Variants in HSPA4 observed in about 807,000 individuals in gnomAD.
HSPA4 encodes the protein heat shock 70 kDa protein 4.
HSPA4 carries 25 observed loss-of-function variants against 106.2 expected under a neutral mutation model. That is an observed-to-expected ratio of 0.24 (90% CI 0.17 to 0.33). The LOEUF (loss-of-function observed/expected upper bound fraction) is 0.33, where lower values mean the gene tolerates loss of function less well. Among genes scored for constraint, HSPA4 ranks in the 10% least tolerant of loss-of-function variants. The pLI, the probability that HSPA4 is intolerant of heterozygous loss-of-function variation, is 1.00. For missense variants in HSPA4, 841 were observed against 996.0 expected (o/e 0.84, Z 2.10); for synonymous variants, 332 against 333.6 (o/e 1.00, Z 0.05).
rs1223131828 is a variant in HSPA4, at chr5:133,104,437, T to G, written c.*1T>G. ...GCTTCCTGAAATGGACATTGATTGA[T>G]TCCAACACTTGTTTCTATTAAAACA... is the stretch of plus-strand genomic sequence containing the variant. On this transcript the variant is annotated 3_prime_UTR_variant, in exon 19 of 19. Coordinates refer to ENST00000304858, the MANE Select transcript of HSPA4 (RefSeq NM_002154.4). 1 of 1,612,544 alleles carries G rather than the reference T, an allele frequency of 6.2e-7. No individual in the cohort carries two copies. The highest frequency in any genetic ancestry group is 8.5e-7 in the Non-Finnish European group (1 of 1,178,618).
At chr5:133,076,962 T>A in intron 7 of HSPA4, 64 bp downstream of exon 7, 1 of 1,292,352 alleles carries the variant, frequency 7.7e-7, no homozygotes, top group Non-Finnish European at 1.1e-6. Context: ...TATTAACCTT[T>A]AATTGGCTAA....
intron 1 of HSPA4, among the ~76,000 whole-genome samples, chr5:133,057,792 A>G (rs1350555649): frequency 1.3e-5 from 2 of 152,242 alleles, no homozygotes; most frequent in Non-Finnish European, 2.9e-5. Context: ...ATGTGTGAGT[A>G]CTTCTTATGG....
intron 15 of HSPA4, among the ~76,000 whole-genome samples, chr5:133,099,287 G>T (rs959105292): frequency 6.6e-6 from 1 of 151,476 alleles, no homozygotes; most frequent in Non-Finnish European, 1.5e-5. Context: ...CTACCATCAC[G>T]CCCGGGTAAT....
At chr5:133,096,031 A>G (rs1028551155) in intron 13 of HSPA4, 67 bp from the exon 14 acceptor site, 6 of 1,401,044 alleles carry the variant, frequency 4.3e-6, no homozygotes, top group Admixed American at 4.9e-5. Flanking sequence ...GTTTTCCAAC[A>G]TGACTCATTT....
chr5:133,096,492 T>C (rs1765713561), intron 14 of HSPA4, among the ~76,000 whole-genome samples: 1 of 152,222 alleles, frequency 6.6e-6, no homozygotes, highest in African/African-American at 2.4e-5. Context: ...TTTTGACATA[T>C]AATGTCTTTG....
intron 17 of HSPA4, among the ~76,000 whole-genome samples, chr5:133,103,326 AGAT>A (rs1414003260): frequency 1.3e-5 from 2 of 150,940 alleles, no homozygotes; most frequent in African/African-American, 4.9e-5. Context: ...CATAGTGCTA[AGAT>A]TACGAGCGTG....
chr5:133,071,691 A>C (rs1765383750), intron 4 of HSPA4, among the ~76,000 whole-genome samples: 1 of 152,202 alleles, frequency 6.6e-6, no homozygotes, highest in African/African-American at 2.4e-5. Context: ...TTGGCAAAGC[A>C]AGGACTGTTA....
intron 7 of HSPA4, among the ~76,000 whole-genome samples, chr5:133,079,054 C>T (rs1025165896): frequency 1.1e-4 from 17 of 152,284 alleles, no homozygotes; most frequent in African/African-American, 3.1e-4. Flanking sequence ...AGTCTTTTAA[C>T]ATTCACCTTT....
At chr5:133,086,275 CTT>C (rs1765577554) in intron 7 of HSPA4, among the ~76,000 whole-genome samples, 1 of 152,218 alleles carries the variant, frequency 6.6e-6, no homozygotes, top group African/African-American at 2.4e-5. Context: ...ATCTCTTCTT[CTT>C]CCCTTTTGTC....
rs192116762 is a variant in HSPA4, at chr5:133,106,305, T to G, written c.*1869T>G. On this transcript the variant is annotated 3_prime_UTR_variant, in exon 19 of 19. Coordinates refer to ENST00000304858, the MANE Select transcript of HSPA4 (RefSeq NM_002154.4). ...ACAGAGAGTGGTAATTGATGGCTTG[T>G]GTACAGACAAGCATTTATCCAGGTT... The G allele has an allele frequency of 6.6e-6, 1 of 151,458 alleles. No individual in the cohort carries two copies. Among genetic ancestry groups the G allele is most frequent in the East Asian group, 1.9e-4 (1 of 5,156 alleles). 9.4% of individuals were successfully genotyped at this position (151,458 alleles called of 1,614,324 possible).
Position 133,073,386 on chromosome 5 carries a change from T to G in HSPA4, c.529+57T>G, listed in dbSNP as rs1012164520. ...TGGTTAATCTTGAAGATTGTGAAAT[T>G]TTAAAACCCTGGGGTTTCTTGCTCT... On this transcript the variant is annotated intron_variant, in intron 5 of 18. Transcript: ENST00000304858. The G allele has an allele frequency of 1.7e-5, 20 of 1,167,432 alleles. No homozygotes were observed. The Middle Eastern group carries it at 7.7e-4, about 45-fold the overall frequency. The allele number at this position is 1,167,432 out of a possible 1,614,324, so 72.3% of individuals were successfully genotyped here.
chr5:133,096,523 A>T (rs533482599), intron 14 of HSPA4, among the ~76,000 whole-genome samples: 1 of 152,252 alleles, frequency 6.6e-6, no homozygotes, highest in South Asian at 2.1e-4. Context: ...GGTATTGTTC[A>T]TTTTTGAATA....
chr5:133,075,688 G>T (rs1478840120), intron 6 of HSPA4, among the ~76,000 whole-genome samples: 1 of 151,956 alleles, frequency 6.6e-6, no homozygotes, highest in African/African-American at 2.4e-5. Context: ...AAATTAGCTG[G>T]ATGTGGTGAT....
At chr5:133,097,549 CTT>C (rs551499462) in intron 15 of HSPA4, among the ~76,000 whole-genome samples, 11 of 127,554 alleles carry the variant, frequency 8.6e-5, no homozygotes, top group Non-Finnish European at 8.1e-5. Context: ...CTTTTCTTTT[CTT>C]TTTTTTTTTT....
chr5:133,064,348 A>C (rs1212104464), intron 1 of HSPA4, among the ~76,000 whole-genome samples: 1 of 152,192 alleles, frequency 6.6e-6, no homozygotes, highest in Non-Finnish European at 1.5e-5. Context: ...TCTACTAAAA[A>C]TACAAAAATT....
At chr5:133,069,254 A>ATT (rs1213270421) in intron 3 of HSPA4, among the ~76,000 whole-genome samples, 6 of 146,214 alleles carry the variant, frequency 4.1e-5, no homozygotes, top group Admixed American at 1.4e-4. Flanking sequence ...CTTATTTAAA[A>ATT]TTTTTTTTTT....
intron 7 of HSPA4, among the ~76,000 whole-genome samples, chr5:133,081,577 T>C (rs1489558498): frequency 2.6e-5 from 4 of 152,210 alleles, no homozygotes; most frequent in Non-Finnish European, 5.9e-5. Context: ...CCCCTGCTGA[T>C]TTCAGCTGCT....
Position 133,097,250 on chromosome 5 carries a change from G to A in HSPA4, c.1893G>A (p.Lys631=), listed in dbSNP as rs1765724149. ...VEEYVYEMRD[K]LSGEYEKFVS... Reference sequence around the variant, plus strand: ...AATATGTGTATGAAATGAGAGACAAGCTTAGTGGTGAATATGAGAAGTTTG... The same window carrying A: ...AATATGTGTATGAAATGAGAGACAAACTTAGTGGTGAATATGAGAAGTTTG... The change falls in exon 15 of 19, where the codon AAG becomes AAA. Residue 631 remains lysine (K), a synonymous_variant. Transcript: ENST00000304858. 1 of 1,613,042 alleles carries A rather than the reference G, an allele frequency of 6.2e-7. No homozygotes were observed. Among genetic ancestry groups the A allele is most frequent in the East Asian group, 2.2e-5 (1 of 44,812 alleles).
chr5:133,074,272 CTTTTTTT>C, intron 6 of HSPA4, 146 bp downstream of exon 6: 2 of 444,262 alleles, frequency 4.5e-6, no homozygotes, highest in Non-Finnish European at 7.6e-6. Flanking sequence ...TCTTTTCTTT[CTTTTTTT>C]TCTCTTTTTT....
Sources: allele counts gnomAD v4.1 joint callset (sites outside exome capture counted in the v4.1 genomes callset), GRCh38; gene constraint gnomAD v4.1.1; transcripts MANE v1.5; gene names NCBI Gene and HGNC (gene_info 2026-07-23, HGNC 2026-07-21).